The following PACRG variants were observed in gnomAD, a reference collection of about 807,000 sequenced individuals.
PACRG encodes the protein parkin coregulated.
In PACRG, 29 loss-of-function variants were observed where a neutral mutation model predicts 29.7. The observed-to-expected ratio is 0.98, with a 90% CI of 0.73 to 1.33. The LOEUF is 1.33. Among genes scored for constraint, PACRG ranks in the 40% most tolerant of loss-of-function variants. The pLI is 0.00. For missense variants in PACRG, 279 were observed against 316.2 expected, an observed-to-expected ratio of 0.88 and a Z score of 0.89; for synonymous variants, 116 against 118.7, an observed-to-expected ratio of 0.98 and a Z score of 0.15.
intron 1 of PACRG, among the ~76,000 whole-genome samples, chr6:162,761,696 T>C (rs1782369514): frequency 6.6e-6 from 1 of 151,796 alleles, no homozygotes; most frequent in South Asian, 2.1e-4. Flanking sequence ...CCCAGCACTT[T>C]GGGAGGCTGA....
chr6:162,727,777 C>T (rs1779379446), upstream of PACRG: 1 of 1,186,266 alleles, frequency 8.4e-7, no homozygotes. Flanking sequence ...CCAGGCCTCC[C>T]CGCCCCCGCG....
intron 2 of PACRG, among the ~76,000 whole-genome samples, chr6:162,909,168 C>T (rs975017303): frequency 6.6e-6 from 1 of 152,186 alleles, no homozygotes; most frequent in Admixed American, 6.5e-5. Context: ...CTACTTTCCA[C>T]TTCACAAGCC....
intron 4 of PACRG, chr6:163,090,436 T>C (rs1813994488): frequency 6.6e-6 from 1 of 152,186 alleles, no homozygotes; most frequent in Non-Finnish European, 1.5e-5. Context: ...ATGCCTGTAA[T>C]GGAGTGCTTG....
chr6:162,787,533 GTGTT>G (rs1346967172), intron 1 of PACRG, among the ~76,000 whole-genome samples: 5 of 143,982 alleles, frequency 3.5e-5, no homozygotes, highest in Non-Finnish European at 7.5e-5. Context: ...GTGTGTGTGT[GTGTT>G]TGTGTATATA....
At chr6:163,298,958 A>G (rs1784884975) in intron 4 of PACRG, among the ~76,000 whole-genome samples, 1 of 152,126 alleles carries the variant, frequency 6.6e-6, no homozygotes. Context: ...GTGGCCCCCC[A>G]AGTCCATCTC....
intron 2 of PACRG, among the ~76,000 whole-genome samples, chr6:162,993,284 C>T (rs1442139766): frequency 1.4e-5 from 2 of 145,228 alleles, no homozygotes; most frequent in Admixed American, 7.0e-5. Flanking sequence ...GAGTTCAATT[C>T]CTGGGTATCC....
At chr6:163,213,799 A>G (rs1781250180) in intron 4 of PACRG, among the ~76,000 whole-genome samples, 1 of 152,188 alleles carries the variant, frequency 6.6e-6, no homozygotes, top group African/African-American at 2.4e-5. Context: ...TTCCTCAAGG[A>G]CAGTAAGGGA....
At chr6:163,054,949 A>G (rs1332068422) in intron 2 of PACRG, among the ~76,000 whole-genome samples, 2 of 152,042 alleles carry the variant, frequency 1.3e-5, no homozygotes, top group Non-Finnish European at 2.9e-5. Flanking sequence ...GAGGGAGGGA[A>G]TTAGGGTGAC....
chr6:162,890,770 C>T (rs868194846), intron 2 of PACRG, among the ~76,000 whole-genome samples: 2 of 152,216 alleles, frequency 1.3e-5, no homozygotes, highest in Middle Eastern at 3.4e-3. Context: ...GGGGTAGGAC[C>T]CCAGGGTGGA....
chr6:163,256,219 C>T (rs1394017885), intron 4 of PACRG, among the ~76,000 whole-genome samples: 1 of 152,180 alleles, frequency 6.6e-6, no homozygotes, highest in Non-Finnish European at 1.5e-5. Flanking sequence ...TCCCCCACTG[C>T]TTTGTACTGC....
intron 4 of PACRG, among the ~76,000 whole-genome samples, chr6:163,113,763 G>A (rs1815836265): frequency 6.6e-6 from 1 of 152,032 alleles, no homozygotes. Context: ...ACTAAAAGGA[G>A]GCCACAGATT....
At chr6:162,793,717 AT>A (rs1248180570) in intron 1 of PACRG, among the ~76,000 whole-genome samples, 2 of 152,230 alleles carry the variant, frequency 1.3e-5, no homozygotes, top group African/African-American at 4.8e-5. Flanking sequence ...AAAATGTACA[AT>A]TTGGACTCTT....
intron 2 of PACRG, chr6:163,053,930 G>A (rs561222293): frequency 1.2e-4 from 18 of 152,226 alleles, no homozygotes; most frequent in African/African-American, 4.1e-4. Flanking sequence ...CCTACCTATT[G>A]TGTGCCCAGC....
intron 2 of PACRG, among the ~76,000 whole-genome samples, chr6:162,834,998 T>A (rs1175454249): frequency 2.0e-5 from 3 of 152,104 alleles, no homozygotes; most frequent in African/African-American, 7.2e-5. Flanking sequence ...CTTACTTACA[T>A]TTTTATTATT....
At chr6:162,729,084 C>T (rs1049097076) in intron 1 of PACRG, among the ~76,000 whole-genome samples, 2 of 152,094 alleles carry the variant, frequency 1.3e-5, no homozygotes, top group African/African-American at 2.4e-5. Context: ...TTCTAAGTAT[C>T]ATTAGAGAAA....
At chr6:162,957,328 T>C in intron 2 of PACRG, 1 of 595,246 alleles carries the variant, frequency 1.7e-6, no homozygotes. Flanking sequence ...CTGAACACAT[T>C]TAGCACTCAT....
At chr6:163,203,269 C>T (rs566168649) in intron 4 of PACRG, among the ~76,000 whole-genome samples, 9 of 152,072 alleles carry the variant, frequency 5.9e-5, no homozygotes, top group African/African-American at 9.7e-5. Context: ...AAAATTTAGC[C>T]GGGTGTGGTG....
chr6:163,009,853 T>C (rs1359977670), intron 2 of PACRG, among the ~76,000 whole-genome samples: 2 of 152,276 alleles, frequency 1.3e-5, no homozygotes, highest in African/African-American at 4.8e-5. Flanking sequence ...ATTGTTGTTA[T>C]AAAATTTCAT....
chr6:163,195,723 C>A (rs1275899814), intron 4 of PACRG, among the ~76,000 whole-genome samples: 1 of 152,168 alleles, frequency 6.6e-6, no homozygotes, highest in Non-Finnish European at 1.5e-5. Context: ...CCCTGCCCTG[C>A]CGGGAAATGG....
Sources: gnomAD v4.1 joint callset for allele counts (sites outside exome capture counted in the v4.1 genomes callset) on GRCh38, gnomAD v4.1.1 for gene constraint, MANE v1.5 for transcripts, NCBI Gene and HGNC (gene_info 2026-07-23, HGNC 2026-07-21) for gene names.